Variants in FER1L6 observed in about 807,000 individuals in gnomAD.
FER1L6 encodes the protein fer-1 like family member 6.
FER1L6 carries 177 observed loss-of-function variants against 219.2 expected under a neutral mutation model. That is an observed-to-expected ratio of 0.81 (90% CI 0.71 to 0.91). FER1L6 has a LOEUF of 0.91. Ranked by LOEUF, FER1L6 falls within the 40% of genes least tolerant of loss-of-function variation. The probability of loss-of-function intolerance (pLI) is 0.00; values close to 1 mark genes in which losing one functional copy is unlikely to be tolerated. For missense variants in FER1L6, 2,153 were observed against 2,259.9 expected, an observed-to-expected ratio of 0.95 and a Z score of 0.96; for synonymous variants, 768 against 824.3, an observed-to-expected ratio of 0.93 and a Z score of 1.17.
intron 18 of FER1L6, among the ~76,000 whole-genome samples, chr8:124,034,849 C>T (rs1346330769): frequency 6.6e-6 from 1 of 152,174 alleles, no homozygotes; most frequent in Non-Finnish European, 1.5e-5. Flanking sequence ...CTATGGGGTT[C>T]AGAGTCTAGA....
intron 1 of FER1L6, among the ~76,000 whole-genome samples, chr8:123,937,125 C>T (rs1237776641): frequency 3.9e-5 from 6 of 152,006 alleles, no homozygotes; most frequent in African/African-American, 7.2e-5. Context: ...AGGCTGGTCT[C>T]GAACTCCAGA....
chr8:123,935,341 C>T (rs1813944359), intron 1 of FER1L6, among the ~76,000 whole-genome samples: 1 of 152,142 alleles, frequency 6.6e-6, no homozygotes, highest in African/African-American at 2.4e-5. Flanking sequence ...GACATTTCTC[C>T]ATCAGTTTTT....
At chr8:123,963,856 C>A (rs1356281797) in intron 3 of FER1L6, among the ~76,000 whole-genome samples, 1 of 152,176 alleles carries the variant, frequency 6.6e-6, no homozygotes, top group Non-Finnish European at 1.5e-5. Context: ...ACAAATAGCC[C>A]CCAGATCTGT....
At chr8:123,900,642 C>T (rs1812839480) in intron 1 of FER1L6, among the ~76,000 whole-genome samples, 1 of 152,164 alleles carries the variant, frequency 6.6e-6, no homozygotes, top group Non-Finnish European at 1.5e-5. Flanking sequence ...GTGGGTTTGT[C>T]ATAGATGGCT....
chr8:124,109,757 CTGAATACAGAGA>C (rs938527573), intron 39 of FER1L6, among the ~76,000 whole-genome samples: 1 of 152,064 alleles, frequency 6.6e-6, no homozygotes, highest in Non-Finnish European at 1.5e-5. Context: ...GTAGGATATC[CTGAATACAGAGA>C]TGAATAGGAT....
At chr8:123,911,719 A>G (rs1335664778) in intron 1 of FER1L6, among the ~76,000 whole-genome samples, 2 of 152,074 alleles carry the variant, frequency 1.3e-5, no homozygotes, top group Non-Finnish European at 2.9e-5. Flanking sequence ...GAGTTGTGAA[A>G]CTGATTGTCC....
chr8:124,004,739 G>A (rs767400910), intron 13 of FER1L6, among the ~76,000 whole-genome samples: 10 of 151,980 alleles, frequency 6.6e-5, no homozygotes, highest in East Asian at 1.9e-4. Context: ...TGGCTCATGC[G>A]TGTAATCCCA....
rs1262369930 is a variant in FER1L6, at chr8:124,111,049, A to G, written c.5289+7740A>G. 6.6e-6 allele frequency among the ~76,000 whole-genome samples: 1 copy of G among 152,104 alleles called. No homozygotes were observed. The highest frequency in any genetic ancestry group is 2.4e-5 in the African/African-American group (1 of 41,394). On this transcript the variant is annotated intron_variant, in intron 39 of 40. Coordinates refer to ENST00000522917, the MANE Select transcript of FER1L6 (RefSeq NM_001039112.2). This position sits in a 1 kb window ranked among gnomAD's most constrained non-coding sequence, Gnocchi z 5.0. ...CTCTCGATGTTTACATTTGAAGGAG[A>G]TGGTTCTCAGATCCTTGAAAAAAAC...
At chr8:123,883,771 G>T (rs911839094) in intron 1 of FER1L6, among the ~76,000 whole-genome samples, 1 of 152,178 alleles carries the variant, frequency 6.6e-6, no homozygotes, top group Non-Finnish European at 1.5e-5. Context: ...TGAACATGGT[G>T]TCAGGGATTG....
At chr8:124,019,292 T>C (rs1038330822) in intron 16 of FER1L6, among the ~76,000 whole-genome samples, 5 of 152,192 alleles carry the variant, frequency 3.3e-5, no homozygotes, top group South Asian at 4.1e-4. Flanking sequence ...TCTGTCTTCT[T>C]ACTCTCTGAT....
intron 32 of FER1L6, 92 bp downstream of exon 32, chr8:124,076,417 T>G (rs1229036565): frequency 8.3e-5 from 105 of 1,262,978 alleles, no homozygotes; most frequent in Non-Finnish European, 9.7e-5. Context: ...TTTGTGTTCC[T>G]GGGTGAAATG....
At chr8:123,883,042 C>A (rs559062714) in intron 1 of FER1L6, among the ~76,000 whole-genome samples, 1 of 151,930 alleles carries the variant, frequency 6.6e-6, no homozygotes, top group Non-Finnish European at 1.5e-5. Context: ...TAAAACTGTT[C>A]TAAAAAATAA....
At chr8:124,040,071 C>T (rs1819415415) in intron 20 of FER1L6, 65 bp downstream of exon 20, 8 of 1,602,680 alleles carry the variant, frequency 5.0e-6, no homozygotes, top group Non-Finnish European at 6.8e-6. Context: ...ACAGAAGATC[C>T]CAGGAAAGAA....
chr8:123,939,041 A>G, intron 1 of FER1L6: 1 of 470,918 alleles, frequency 2.1e-6, no homozygotes. Flanking sequence ...CATTCATCTG[A>G]GCATAGCAAG....
At position 124,103,209 on chromosome 8, in the gene FER1L6, T is replaced by G. The variant is rs746781946; in HGVS notation, c.5189T>G (p.Leu1730Arg). Residue 1730 changes from leucine (L) to arginine (R), a missense_variant, in exon 39 of 41, where the codon CTT becomes CGT. Coordinates refer to ENST00000522917, the MANE Select transcript of FER1L6 (RefSeq NM_001039112.2). Reference sequence around the variant, plus strand: ...GCTAAGTCTGCCAAAGCCTGTGATCTTGCCAAGTTTGAAAATGCAAGTGAG... The same window carrying G: ...GCTAAGTCTGCCAAAGCCTGTGATCGTGCCAAGTTTGAAAATGCAAGTGAG... Reference protein sequence around the residue: ...RAAKSAKACDLAKFENASEET... With the variant: ...RAAKSAKACDRAKFENASEET... 2 of 1,614,172 alleles carry G rather than the reference T, an allele frequency of 1.2e-6. No homozygotes were observed. Among genetic ancestry groups the G allele is most frequent in the South Asian group, 2.2e-5 (2 of 91,084 alleles).
chr8:124,033,222 G>A (rs1456127273), intron 18 of FER1L6, among the ~76,000 whole-genome samples: 1 of 152,164 alleles, frequency 6.6e-6, no homozygotes, highest in Non-Finnish European at 1.5e-5. Flanking sequence ...TTTAGGCACT[G>A]GGGACACGGC....
intron 39 of FER1L6, among the ~76,000 whole-genome samples, chr8:124,114,272 C>G (rs937888322): frequency 1.3e-5 from 2 of 151,262 alleles, no homozygotes; most frequent in African/African-American, 2.4e-5. Context: ...CACTTAATAA[C>G]CAAATTTTAG....
intron 22 of FER1L6, 80 bp downstream of exon 22, chr8:124,049,836 T>C (rs1819924369): frequency 7.0e-7 from 1 of 1,426,744 alleles, no homozygotes; most frequent in African/African-American, 1.4e-5. Flanking sequence ...GCCACTTCAA[T>C]GAAGCTGTGC....
intron 11 of FER1L6, among the ~76,000 whole-genome samples, chr8:123,981,697 C>T (rs965958848): frequency 5.3e-5 from 8 of 152,140 alleles, no homozygotes; most frequent in South Asian, 2.1e-4. Context: ...CTTAAGAAAC[C>T]GTGTAGGGGA....
Sources: gnomAD v4.1 joint callset for allele counts (sites outside exome capture counted in the v4.1 genomes callset) on GRCh38, gnomAD v4.1.1 for gene constraint, Gnocchi (gnomAD v3.1) non-coding constraint, MANE v1.5 for transcripts, NCBI Gene and HGNC (gene_info 2026-07-23, HGNC 2026-07-21) for gene names.